The following SLFN5 variants were observed in gnomAD, a reference collection of about 807,000 sequenced individuals.
SLFN5 encodes schlafen family member 5.
In SLFN5, 34 loss-of-function variants were observed where a neutral mutation model predicts 48.5. That is an observed-to-expected ratio of 0.70 (90% CI 0.53 to 0.93). The LOEUF is 0.93. SLFN5 is among the 40% of genes least tolerant of loss of function. SLFN5 has a pLI of 0.00. For missense variants in SLFN5, 1,006 were observed against 1,071.3 expected (o/e 0.94, Z 0.85); for synonymous variants, 387 against 396.2 (o/e 0.98, Z 0.28).
intron 1 of SLFN5, among the ~76,000 whole-genome samples, chr17:35,248,505 A>G (rs2092435739): frequency 6.6e-6 from 1 of 151,192 alleles, no homozygotes; most frequent in South Asian, 2.1e-4. Context: ...TTATCCTTCT[A>G]TTAGGTTGGT....
chr17:35,270,232 T>C lies in SLFN5; in HGVS notation c.*4344T>C, dbSNP rs1904797579. 1 of 152,220 alleles carries C rather than the reference T, an allele frequency of 6.6e-6. No homozygotes were observed. The highest frequency in any genetic ancestry group is 1.5e-5 in the Non-Finnish European group (1 of 68,030). 9.4% of individuals were successfully genotyped at this position (152,220 alleles called of 1,614,324 possible). On this transcript the variant is annotated 3_prime_UTR_variant, in exon 5 of 5. Coordinates refer to ENST00000299977, the MANE Select transcript of SLFN5 (RefSeq NM_144975.4). ...TTCTAGTTGATGAGTTTATGAGTGA[T>C]TTATTGCTTCCTTTTCTCTTTCAGT...
At chr17:35,262,858 C>A (rs757415550) in intron 3 of SLFN5, among the ~76,000 whole-genome samples, 1 of 152,020 alleles carries the variant, frequency 6.6e-6, no homozygotes, top group Non-Finnish European at 1.5e-5. Flanking sequence ...AGCAAGACCC[C>A]GTCCCCCCCA....
intron 1 of SLFN5, among the ~76,000 whole-genome samples, chr17:35,246,448 G>A (rs958801487): frequency 5.3e-5 from 8 of 152,108 alleles, no homozygotes; most frequent in East Asian, 1.9e-4. Context: ...TGATGCTCTC[G>A]CTCCTCCTGT....
chr17:35,260,216 T>C (rs1463542935), intron 2 of SLFN5, among the ~76,000 whole-genome samples: 1 of 152,118 alleles, frequency 6.6e-6, no homozygotes, highest in East Asian at 1.9e-4. Flanking sequence ...CATTTTTCCT[T>C]TGGGGAGCCG....
rs770100987 is a variant in SLFN5 at position 35,265,900 on chromosome 17, A to G, written c.*12A>G. ...AGGCTTCTGTGTGACAGGAAACCCAAGCCTAAGAAACAATTAAGTGGTTCT... is the reference window on the plus strand; with the variant it reads ...AGGCTTCTGTGTGACAGGAAACCCAGGCCTAAGAAACAATTAAGTGGTTCT... On this transcript the variant is annotated 3_prime_UTR_variant, in exon 5 of 5. Coordinates refer to ENST00000299977, the MANE Select transcript of SLFN5 (RefSeq NM_144975.4). 5 of 1,562,712 alleles carry G rather than the reference A, an allele frequency of 3.2e-6. No homozygotes were observed. The highest frequency in any genetic ancestry group is 2.0e-5 in the Admixed American group (1 of 50,006).
intron 1 of SLFN5, among the ~76,000 whole-genome samples, chr17:35,257,019 C>T (rs992408760): frequency 6.6e-6 from 1 of 152,000 alleles, no homozygotes; most frequent in Non-Finnish European, 1.5e-5. Context: ...ATCTAGGCTG[C>T]GCACTCCTTA....
chr17:35,263,254 C>T (rs1904573334), intron 3 of SLFN5, among the ~76,000 whole-genome samples: 1 of 152,102 alleles, frequency 6.6e-6, no homozygotes, highest in Admixed American at 6.5e-5. Context: ...CCTCAGCCCC[C>T]CGAGTGGGTG....
At chr17:35,253,460 C>T (rs1398179047) in intron 1 of SLFN5, among the ~76,000 whole-genome samples, 1 of 151,990 alleles carries the variant, frequency 6.6e-6, no homozygotes, top group East Asian at 1.9e-4. Flanking sequence ...CAGCCTCAAT[C>T]CACTGGGCTC....
chr17:35,262,497 G>C (rs1189985050), intron 3 of SLFN5, among the ~76,000 whole-genome samples: 3 of 151,852 alleles, frequency 2.0e-5, no homozygotes, highest in Non-Finnish European at 1.5e-5. Flanking sequence ...AATACACTTT[G>C]ACCAACCAAC....
In SLFN5 at chr17:35,271,258, C is replaced by G. The variant is rs1904823520; in HGVS notation, c.*5370C>G. On this transcript the variant is annotated 3_prime_UTR_variant, in exon 5 of 5. Coordinates refer to ENST00000299977, the MANE Select transcript of SLFN5 (RefSeq NM_144975.4). The stretch of plus-strand genomic sequence containing the variant: ...TTTTTAAAAAACTTCCTACTTGTTC[C>G]AAGTCAGAAAAACTATTCATATAGG... 1.3e-5 allele frequency: 2 copies of G among 151,532 alleles called. No homozygotes were observed. Among genetic ancestry groups the G allele is most frequent in the African/African-American group, 4.9e-5 (2 of 41,160 alleles). 9.4% of individuals were successfully genotyped at this position (151,532 alleles called of 1,614,324 possible).
Position 35,264,229 on chromosome 17 carries a change from A to G in SLFN5, c.1185A>G (p.Glu395=). ...ATACTCCAGAAAGCCTCTACAAGGAACTCTTCTCACAACATAAAGGACTCA... is the reference window on the plus strand; with the variant it reads ...ATACTCCAGAAAGCCTCTACAAGGAGCTCTTCTCACAACATAAAGGACTCA... ...VVYTPESLYK[E]LFSQHKGLRD... The change falls in exon 4 of 5, where the codon GAA becomes GAG. Residue 395 remains glutamate, a synonymous_variant. Transcript: ENST00000299977. The G allele has an allele frequency of 6.2e-7, 1 of 1,613,800 alleles. No homozygotes were observed. The highest frequency in any genetic ancestry group is 8.5e-7 in the Non-Finnish European group (1 of 1,179,938).
At position 35,269,996 on chromosome 17, in the gene SLFN5, G is replaced by T. The variant is rs1758225063; in HGVS notation, c.*4108G>T. On this transcript the variant is annotated 3_prime_UTR_variant, in exon 5 of 5. Transcript: ENST00000299977. ...TAGATAAATCTTCCTGTAACTGAAA[G>T]TTCTTGAGTTAAAGAAAAATATTCG... 1 of 152,144 alleles carries T rather than the reference G, an allele frequency of 6.6e-6. No individual in the cohort carries two copies. The highest frequency in any genetic ancestry group is 1.5e-5 in the Non-Finnish European group (1 of 68,018). The allele number at this position is 152,144 out of a possible 1,614,324, so 9.4% of individuals were successfully genotyped here.
chr17:35,261,546 T>C (rs1904519659), intron 3 of SLFN5, among the ~76,000 whole-genome samples: 2 of 152,148 alleles, frequency 1.3e-5, no homozygotes, highest in Non-Finnish European at 1.5e-5. Flanking sequence ...ATTTTTTAAC[T>C]TTTGTAGAGA....
chr17:35,250,585 G>C (rs1398934119), intron 1 of SLFN5, among the ~76,000 whole-genome samples: 1 of 151,914 alleles, frequency 6.6e-6, no homozygotes, highest in Non-Finnish European at 1.5e-5. Context: ...GCGTGAACCC[G>C]GGAGGCGGAG....
At chr17:35,264,123 A>C (rs1904602382) in intron 3 of SLFN5, 60 bp from the exon 4 acceptor site, 1 of 1,513,132 alleles carries the variant, frequency 6.6e-7, no homozygotes, top group African/African-American at 1.4e-5. Context: ...TCTACGTATA[A>C]TGATGATTAC....
rs755898601 is a variant in SLFN5 at position 35,259,569 on chromosome 17, C to G, written c.879C>G (p.Val293=). ...ATAAGGGGGCCCTCCGTGGATATGT[C>G]TGTGCAATCAAGGTGGAGAAATTCT... The part of the protein sequence containing the change: ...VHDKGALRGY[V]CAIKVEKFCC... The change falls in exon 2 of 5, where the codon GTC becomes GTG. Residue 293 remains valine, a synonymous_variant. Coordinates refer to ENST00000299977, the MANE Select transcript of SLFN5 (RefSeq NM_144975.4). 6.2e-7 allele frequency: 1 copy of G among 1,613,724 alleles called. No individual in the cohort carries two copies. The highest frequency in any genetic ancestry group is 8.5e-7 in the Non-Finnish European group (1 of 1,180,044).
rs1211246711 is a variant in SLFN5, at chr17:35,269,013, T to G, written c.*3125T>G. ...TATTTTGCCTTATTTTGCAATTGTT[T>G]CATATATTTTGTCTTATTTTGCAAT... On this transcript the variant is annotated 3_prime_UTR_variant, in exon 5 of 5. Transcript: ENST00000299977. The G allele has an allele frequency of 6.6e-6, 1 of 152,226 alleles. No individual in the cohort carries two copies. The highest frequency in any genetic ancestry group is 1.9e-4 in the East Asian group (1 of 5,202). The allele number at this position is 152,226 out of a possible 1,614,324, so 9.4% of individuals were successfully genotyped here.
Position 35,267,557 on chromosome 17 carries a change from A to G in SLFN5, c.*1669A>G, listed in dbSNP as rs995187832. On this transcript the variant is annotated 3_prime_UTR_variant, in exon 5 of 5. Coordinates refer to ENST00000299977, the MANE Select transcript of SLFN5 (RefSeq NM_144975.4). The stretch of plus-strand genomic sequence containing the variant: ...AACAAACAAACAAACAAACAAATAA[A>G]TAAATAAATAAAATTAGCTGGGAAT... 1.3e-5 allele frequency: 2 copies of G among 152,124 alleles called. No individual in the cohort carries two copies. Among genetic ancestry groups the G allele is most frequent in the African/African-American group, 2.4e-5 (1 of 41,386 alleles). 9.4% of individuals were successfully genotyped at this position (152,124 alleles called of 1,614,324 possible).
chr17:35,260,834 G>A (rs1904499751), intron 2 of SLFN5, 137 bp from the exon 3 acceptor site: 1 of 1,084,730 alleles, frequency 9.2e-7, no homozygotes, highest in East Asian at 2.6e-5. Context: ...TTCCTGAGCT[G>A]ACCTGAGATG....
Sources: gnomAD v4.1 joint callset for allele counts (sites outside exome capture counted in the v4.1 genomes callset) on GRCh38, gnomAD v4.1.1 for gene constraint, MANE v1.5 for transcripts, NCBI Gene and HGNC (gene_info 2026-07-23, HGNC 2026-07-21) for gene names.